GNB1: variants seen among roughly 807,000 people sequenced by gnomAD.
The protein encoded by GNB1 is G protein subunit beta 1, also known as guanine nucleotide-binding protein G(I)/G(S)/G(T) subunit beta-1.
GNB1 carries 2 observed loss-of-function variants against 42.9 expected under a neutral mutation model. The ratio of observed to expected loss-of-function variants is 0.05; its 90% CI spans 0.02 to 0.15. GNB1 has a LOEUF of 0.15. Ranked by LOEUF, GNB1 falls within the 10% of genes least tolerant of loss-of-function variation. GNB1 has a pLI of 1.00. For missense variants in GNB1, 193 were observed against 462.2 expected (o/e 0.42, Z 5.34); for synonymous variants, 183 against 174.7 (o/e 1.05, Z -0.38).
At chr1:1,788,931 G>C (rs1413935376) in intron 10 of GNB1, 122 bp downstream of exon 10, 1 of 715,316 alleles carries the variant, frequency 1.4e-6, no homozygotes, top group Non-Finnish European at 2.4e-6. Flanking sequence ...TGTCACTCCT[G>C]CTACGCCATG....
chr1:1,839,424 T>G (rs1557917412), intron 1 of GNB1, among the ~76,000 whole-genome samples, 186 bp from the exon 2 acceptor site: 1 of 152,144 alleles, frequency 6.6e-6, no homozygotes, highest in African/African-American at 2.4e-5. Flanking sequence ...GGGAACAAAA[T>G]AAGAAATCAG....
chr1:1,857,731 TGTGG>T (rs1648383754), intron 1 of GNB1, among the ~76,000 whole-genome samples: 1 of 152,208 alleles, frequency 6.6e-6, no homozygotes, highest in Middle Eastern at 3.2e-3. Flanking sequence ...CCAGATAAAC[TGTGG>T]ATAGTACCAC....
intron 1 of GNB1, among the ~76,000 whole-genome samples, chr1:1,850,365 C>T (rs1647915944): frequency 6.6e-6 from 1 of 152,074 alleles, no homozygotes; most frequent in South Asian, 2.1e-4. Context: ...CTCCCGACCT[C>T]AGGTGATCTG....
chr1:1,861,257 G>A (rs1322570617), intron 1 of GNB1, among the ~76,000 whole-genome samples: 1 of 151,978 alleles, frequency 6.6e-6, no homozygotes, highest in East Asian at 1.9e-4. Context: ...AGGACTTGGA[G>A]CCCAGTCTGG....
intron 1 of GNB1, among the ~76,000 whole-genome samples, chr1:1,867,623 T>C (rs565403568): frequency 2.6e-5 from 4 of 152,360 alleles, no homozygotes; most frequent in African/African-American, 7.2e-5. Flanking sequence ...ACAATTATTT[T>C]AGAAATGCTT....
intron 2 of GNB1, among the ~76,000 whole-genome samples, chr1:1,837,684 T>G (rs1191951215): frequency 6.6e-6 from 1 of 151,792 alleles, no homozygotes; most frequent in African/African-American, 2.4e-5. Flanking sequence ...CTCAACCTCC[T>G]GAGTAGCTGG....
At chr1:1,879,929 G>A (rs571949375) in intron 1 of GNB1, among the ~76,000 whole-genome samples, 1 of 151,760 alleles carries the variant, frequency 6.6e-6, no homozygotes, top group East Asian at 1.9e-4. Flanking sequence ...GCTGTTTTTT[G>A]TTGTTGTTGT....
At chr1:1,875,399 G>A (rs1309818138) in intron 1 of GNB1, among the ~76,000 whole-genome samples, 1 of 152,116 alleles carries the variant, frequency 6.6e-6, no homozygotes, top group Non-Finnish European at 1.5e-5. Context: ...TCACATGTTG[G>A]TCAGGCTGGT....
chr1:1,819,790 C>G (rs1437108596), intron 3 of GNB1, among the ~76,000 whole-genome samples: 1 of 151,832 alleles, frequency 6.6e-6, no homozygotes, highest in African/African-American at 2.4e-5. Context: ...TGATCCTTCC[C>G]CCTTGGCCTC....
chr1:1,881,439 AG>A (rs1649842438), intron 1 of GNB1, among the ~76,000 whole-genome samples: 1 of 142,544 alleles, frequency 7.0e-6, no homozygotes, highest in East Asian at 2.1e-4. Flanking sequence ...TTTTTTTTTG[AG>A]TCTCACACTG....
intron 2 of GNB1, among the ~76,000 whole-genome samples, chr1:1,827,983 C>T (rs1254331911): frequency 6.6e-6 from 1 of 152,082 alleles, no homozygotes; most frequent in Admixed American, 6.6e-5. Context: ...CAACAAACTC[C>T]TGGGATCTCG....
chr1:1,852,892 T>G (rs982349995), intron 1 of GNB1, among the ~76,000 whole-genome samples: 1 of 152,180 alleles, frequency 6.6e-6, no homozygotes, highest in Non-Finnish European at 1.5e-5. Flanking sequence ...GGTTCTTCTC[T>G]CAAGTCGAGG....
At chr1:1,871,350 C>A (rs911842202) in intron 1 of GNB1, among the ~76,000 whole-genome samples, 1 of 152,146 alleles carries the variant, frequency 6.6e-6, no homozygotes, top group Non-Finnish European at 1.5e-5. Flanking sequence ...ATCTCAGCTA[C>A]TCAAGAGGCT....
Position 1,839,743 on chromosome 1 carries a change from A to G in GNB1, c.-95-505T>C, listed in dbSNP as rs929463246. ...GTGTCACAAGCCTGTAATCCCGGTT[A>G]CTCAGGAGGCTTAGACAGGAGAATC... is the stretch of plus-strand genomic sequence containing the variant. On this transcript the variant is annotated intron_variant, in intron 1 of 11. Coordinates refer to ENST00000378609, the MANE Select transcript of GNB1 (RefSeq NM_002074.5). 9 of 152,028 alleles carry G rather than the reference A, an allele frequency of 5.9e-5. 1 individual carries two copies. The highest frequency in any genetic ancestry group is 1.9e-4 in the African/African-American group (8 of 41,380). The allele number at this position is 152,028 out of a possible 1,614,324, so 9.4% of individuals were successfully genotyped here.
In GNB1 at chr1:1,858,507, TAA is replaced by T. The variant is rs542944217; in HGVS notation, c.-95-19271_-95-19270del. Among the ~76,000 whole-genome samples the T allele has an allele frequency of 2.4e-3, 364 of 152,144 alleles. 2 individuals carry two copies. Among genetic ancestry groups the T allele is most frequent in the African/African-American group, 7.8e-3 (325 of 41,514 alleles). On this transcript the variant is annotated intron_variant, in intron 1 of 11. Coordinates refer to ENST00000378609, the MANE Select transcript of GNB1 (RefSeq NM_002074.5). ...ACCCCGAAGACTTAATTTTGATTCT[TAA>T]AAAGGGACAGATCCCTCCTTCCACC...
intron 1 of GNB1, among the ~76,000 whole-genome samples, chr1:1,849,821 C>T (rs953635772): frequency 6.6e-6 from 1 of 152,118 alleles, no homozygotes; most frequent in Non-Finnish European, 1.5e-5. Context: ...TTGGAGTCCT[C>T]TGAACTTCAC....
At chr1:1,825,568 T>C in intron 2 of GNB1, 69 bp from the exon 3 acceptor site, 1 of 891,572 alleles carries the variant, frequency 1.1e-6, no homozygotes, top group South Asian at 1.3e-5. Context: ...GTGAGAAAAG[T>C]AAATTGAAAG....
intron 1 of GNB1, among the ~76,000 whole-genome samples, chr1:1,875,846 C>CA (rs1649516610): frequency 6.6e-6 from 1 of 152,048 alleles, no homozygotes. Context: ...GTCCCCCCCC[C>CA]CAAAATTCAT....
chr1:1,870,464 T>G (rs1387806781), intron 1 of GNB1, among the ~76,000 whole-genome samples: 1 of 152,222 alleles, frequency 6.6e-6, no homozygotes. Context: ...GGATTATAGT[T>G]ATAAGCCACT....
Sources: gnomAD v4.1 joint callset for allele counts (sites outside exome capture counted in the v4.1 genomes callset) on GRCh38, gnomAD v4.1.1 for gene constraint, MANE v1.5 for transcripts, NCBI Gene and HGNC (gene_info 2026-07-23, HGNC 2026-07-21) for gene names.